TBC1D5: variants seen among roughly 807,000 people sequenced by gnomAD.
The protein encoded by TBC1D5 is TBC1 domain family member 5, also known as TBC1 domain family, member 5.
TBC1D5 carries 75 observed loss-of-function variants against 100.3 expected under a neutral mutation model. That is an observed-to-expected ratio of 0.75 (90% CI 0.62 to 0.91). The LOEUF (loss-of-function observed/expected upper bound fraction) is 0.91. TBC1D5 is among the 40% of genes least tolerant of loss of function. TBC1D5 has a pLI of 0.00. For missense variants in TBC1D5, 910 were observed against 942.4 expected, an observed-to-expected ratio of 0.97 and a Z score of 0.45; for synonymous variants, 323 against 325.6, an observed-to-expected ratio of 0.99 and a Z score of 0.09.
intron 1 of TBC1D5, among the ~76,000 whole-genome samples, chr3:17,646,614 C>T (rs1003920629): frequency 6.3e-4 from 96 of 152,094 alleles, no homozygotes; most frequent in African/African-American, 2.2e-3. Context: ...TTCAGGCAAT[C>T]ACCATCATGC....
intron 17 of TBC1D5, among the ~76,000 whole-genome samples, chr3:17,231,935 G>A (rs1046902698): frequency 3.9e-5 from 6 of 152,096 alleles, no homozygotes; most frequent in Admixed American, 6.6e-5. Context: ...GCTGGTTCCC[G>A]ACTATGTAGG....
chr3:17,446,665 A>C (rs2094803151), intron 3 of TBC1D5, among the ~76,000 whole-genome samples: 1 of 152,224 alleles, frequency 6.6e-6, no homozygotes, highest in African/African-American at 2.4e-5. Context: ...GACAAGTAAA[A>C]GCCCAAATTT....
intron 13 of TBC1D5, among the ~76,000 whole-genome samples, chr3:17,331,684 G>GA (rs1444693660): frequency 6.6e-6 from 1 of 152,182 alleles, no homozygotes; most frequent in African/African-American, 2.4e-5. Context: ...TGTTAATAAA[G>GA]AAGTACTTAA....
chr3:17,551,942 A>T (rs1471706544), intron 2 of TBC1D5, among the ~76,000 whole-genome samples: 1 of 152,044 alleles, frequency 6.6e-6, no homozygotes, highest in South Asian at 2.1e-4. Flanking sequence ...GATTCCTTAA[A>T]CTTCTGCCCT....
chr3:17,362,584 G>A (rs2091817932), intron 13 of TBC1D5, among the ~76,000 whole-genome samples: 2 of 151,824 alleles, frequency 1.3e-5, no homozygotes, highest in Admixed American at 6.6e-5. Context: ...AGGTTCTCGT[G>A]CCTCAGCCTC....
intron 13 of TBC1D5, among the ~76,000 whole-genome samples, chr3:17,349,983 A>G (rs945431410): frequency 1.3e-5 from 2 of 152,216 alleles, no homozygotes; most frequent in Non-Finnish European, 2.9e-5. Context: ...TATGAAATAA[A>G]TTATATTTTA....
chr3:17,539,959 A>T (rs1447749997), intron 2 of TBC1D5, among the ~76,000 whole-genome samples: 1 of 152,144 alleles, frequency 6.6e-6, no homozygotes, highest in East Asian at 1.9e-4. Context: ...CCTTCCCACC[A>T]ACAGTGCACA....
At chr3:17,347,032 T>C (rs1269625361) in intron 13 of TBC1D5, among the ~76,000 whole-genome samples, 4 of 152,228 alleles carry the variant, frequency 2.6e-5, no homozygotes, top group Non-Finnish European at 5.9e-5. Context: ...TCAACACCAA[T>C]TAAAATTTAC....
In TBC1D5 at chr3:17,667,572, C is replaced by T. The variant is rs56975774; in HGVS notation, c.-100-43659G>A. Reference sequence around the variant, plus strand: ...GCTCAAGTGATCCTCCAACCTCAGTCTTCCAAGTAGCTGGGACTACAAGCA... The same window carrying T: ...GCTCAAGTGATCCTCCAACCTCAGTTTTCCAAGTAGCTGGGACTACAAGCA... On this transcript the variant is annotated intron_variant, in intron 1 of 21. Coordinates refer to ENST00000253692, the Ensembl canonical transcript of TBC1D5. Among the ~76,000 whole-genome samples the T allele has an allele frequency of 8.9e-3, 1,355 of 152,070 alleles. 28 individuals carry two copies. The highest frequency in any genetic ancestry group is 0.031 in the African/African-American group (1,277 of 41,446).
At chr3:17,706,140 A>T in intron 1 of TBC1D5, 1 of 1,597,634 alleles carries the variant, frequency 6.3e-7, no homozygotes, top group Admixed American at 1.7e-5. Context: ...CTTGAGGCAA[A>T]GGCTGCAGTT....
chr3:17,660,857 A>G (rs1207908521), intron 1 of TBC1D5, among the ~76,000 whole-genome samples: 1 of 152,164 alleles, frequency 6.6e-6, no homozygotes, highest in African/African-American at 2.4e-5. Context: ...AGTATTTTTA[A>G]ATAGTCTCTC....
At chr3:17,635,185 A>G (rs2153684377) in intron 1 of TBC1D5, among the ~76,000 whole-genome samples, 1 of 152,312 alleles carries the variant, frequency 6.6e-6, no homozygotes. Flanking sequence ...TACAGGTGAA[A>G]TATGTTTGGA....
chr3:17,490,146 TA>T (rs1226654853), intron 3 of TBC1D5, among the ~76,000 whole-genome samples: 2 of 152,222 alleles, frequency 1.3e-5, no homozygotes, highest in Non-Finnish European at 2.9e-5. Flanking sequence ...GTATGTCTTC[TA>T]TTGAGAAGGG....
chr3:17,228,270 G>A (rs963529583), intron 17 of TBC1D5, among the ~76,000 whole-genome samples: 1 of 152,086 alleles, frequency 6.6e-6, no homozygotes, highest in Non-Finnish European at 1.5e-5. Flanking sequence ...CTAGTTGTAC[G>A]GCCTTGAACA....
intron 2 of TBC1D5, among the ~76,000 whole-genome samples, chr3:17,591,961 G>A (rs2060256586): frequency 6.6e-6 from 1 of 152,234 alleles, no homozygotes; most frequent in African/African-American, 2.4e-5. Flanking sequence ...CTTGGAGAAT[G>A]ACAGTAGATT....
intron 17 of TBC1D5, among the ~76,000 whole-genome samples, chr3:17,229,496 T>C (rs1040650175): frequency 2.0e-5 from 3 of 152,206 alleles, no homozygotes; most frequent in East Asian, 1.9e-4. Flanking sequence ...TAAGAAAAGA[T>C]AGATGTGTGG....
chr3:17,628,270 C>A (rs1229127263), intron 1 of TBC1D5, among the ~76,000 whole-genome samples: 2 of 151,528 alleles, frequency 1.3e-5, no homozygotes, highest in East Asian at 3.9e-4. Flanking sequence ...CTTGTGAGGC[C>A]GGGCAGGGGA....
chr3:17,630,588 C>T (rs2063406137), intron 1 of TBC1D5, among the ~76,000 whole-genome samples: 1 of 152,186 alleles, frequency 6.6e-6, no homozygotes, highest in Non-Finnish European at 1.5e-5. Flanking sequence ...CTTCTCTCCT[C>T]AGGCCTCCCT....
chr3:17,298,610 T>C (rs1224497887), intron 14 of TBC1D5, among the ~76,000 whole-genome samples: 3 of 152,166 alleles, frequency 2.0e-5, no homozygotes, highest in South Asian at 2.1e-4. Context: ...CTTACTTGTA[T>C]ATGAGGGAGT....
Sources: gnomAD v4.1 joint callset for allele counts (sites outside exome capture counted in the v4.1 genomes callset) on GRCh38, gnomAD v4.1.1 for gene constraint, MANE v1.5 for transcripts, NCBI Gene and HGNC (gene_info 2026-07-23, HGNC 2026-07-21) for gene names.